The following NTNG1 variants were observed in gnomAD, a reference collection of about 807,000 sequenced individuals.
NTNG1 encodes the protein netrin-G1.
A neutral mutation model predicts 54.0 loss-of-function variants in NTNG1; 16 were observed. The ratio of observed to expected loss-of-function variants is 0.30; its 90% CI spans 0.20 to 0.45. The LOEUF is 0.45. Ranked by LOEUF, NTNG1 falls within the 20% of genes least tolerant of loss-of-function variation. NTNG1 has a pLI of 1.00. For synonymous variants in NTNG1, 255 were observed against 263.1 expected, an observed-to-expected ratio of 0.97 and a Z score of 0.30; for missense variants, 530 against 678.7, an observed-to-expected ratio of 0.78 and a Z score of 2.43.
Position 107,322,248 on chromosome 1 carries a change from A to G in NTNG1, c.247-2034A>G, listed in dbSNP as rs139096511. Among the ~76,000 whole-genome samples, 761 of 152,206 alleles carry G rather than the reference A, an allele frequency of 5.0e-3. 9 individuals are homozygous for G. Among genetic ancestry groups the G allele is most frequent in the African/African-American group, 0.017 (714 of 41,558 alleles). On this transcript the variant is annotated intron_variant, in intron 2 of 7. Coordinates refer to ENST00000370068, the MANE Select transcript of NTNG1 (RefSeq NM_001113226.3). The stretch of plus-strand genomic sequence containing the variant: ...GCAAACAAATGTTATCTTTCAACAC[A>G]ACTTACTACAAACATCTGATAACTC...
chr1:107,279,646 A>T (rs940767494), intron 2 of NTNG1, among the ~76,000 whole-genome samples: 2 of 152,162 alleles, frequency 1.3e-5, no homozygotes, highest in Admixed American at 1.3e-4. Context: ...CTTCCTCCAA[A>T]GAAAAATGTG....
chr1:107,330,854 G>T (rs1668232927), intron 3 of NTNG1: 1 of 152,060 alleles, frequency 6.6e-6, no homozygotes, highest in African/African-American at 2.4e-5. Flanking sequence ...ACAGAATCCT[G>T]TGGAATACTA....
chr1:107,171,800 G>T (rs1265191389), intron 2 of NTNG1, among the ~76,000 whole-genome samples: 1 of 152,150 alleles, frequency 6.6e-6, no homozygotes, highest in Non-Finnish European at 1.5e-5. Flanking sequence ...AAGTCAATAT[G>T]TTTGCTGAAA....
At chr1:107,145,099 T>A (rs1654011042) in intron 1 of NTNG1, among the ~76,000 whole-genome samples, 1 of 152,128 alleles carries the variant, frequency 6.6e-6, no homozygotes, top group Non-Finnish European at 1.5e-5. Flanking sequence ...GTCCTTCTCA[T>A]AATTGGTTTC....
At chr1:107,164,905 A>G (rs1655664969) in intron 2 of NTNG1, among the ~76,000 whole-genome samples, 1 of 152,164 alleles carries the variant, frequency 6.6e-6, no homozygotes, top group Non-Finnish European at 1.5e-5. Flanking sequence ...AGGGAGGGGA[A>G]GGGGTTCTTA....
intron 3 of NTNG1, among the ~76,000 whole-genome samples, chr1:107,326,719 T>C (rs1213382967): frequency 6.6e-6 from 1 of 152,102 alleles, no homozygotes; most frequent in East Asian, 1.9e-4. Context: ...AAATTCCTAT[T>C]GCTCCACCTC....
chr1:107,388,128 C>G (rs1426770008), intron 3 of NTNG1, among the ~76,000 whole-genome samples: 2 of 152,140 alleles, frequency 1.3e-5, no homozygotes, highest in Admixed American at 1.3e-4. Context: ...TATGCGACCT[C>G]TCATGGTGTA....
chr1:107,288,365 T>A (rs1276613648), intron 2 of NTNG1, among the ~76,000 whole-genome samples: 1 of 152,100 alleles, frequency 6.6e-6, no homozygotes, highest in African/African-American at 2.4e-5. Context: ...ACCTGAAGTA[T>A]AATGAAAAGT....
At chr1:107,204,881 A>G (rs929718728) in intron 2 of NTNG1, among the ~76,000 whole-genome samples, 1 of 152,086 alleles carries the variant, frequency 6.6e-6, no homozygotes, top group Non-Finnish European at 1.5e-5. Context: ...GTCCAGAACT[A>G]AGGCTTAGAG....
At chr1:107,215,326 G>T (rs1043201917) in intron 2 of NTNG1, among the ~76,000 whole-genome samples, 2 of 152,114 alleles carry the variant, frequency 1.3e-5, no homozygotes, top group African/African-American at 4.8e-5. Context: ...TGAGAGATGA[G>T]GATCCAGTTT....
intron 2 of NTNG1, among the ~76,000 whole-genome samples, chr1:107,246,217 A>G (rs1251672952): frequency 1.3e-5 from 2 of 151,958 alleles, no homozygotes; most frequent in East Asian, 3.9e-4. Context: ...ACGCCTGGCT[A>G]ATTATTTTTG....
At chr1:107,142,327 GAAAT>G (rs1653791198) in intron 1 of NTNG1, among the ~76,000 whole-genome samples, 1 of 146,500 alleles carries the variant, frequency 6.8e-6, no homozygotes, top group South Asian at 2.1e-4. Context: ...TTTTCCTTCA[GAAAT>G]CCACTTAAGA....
At chr1:107,265,107 TG>T (rs1663645579) in intron 2 of NTNG1, among the ~76,000 whole-genome samples, 2 of 152,184 alleles carry the variant, frequency 1.3e-5, no homozygotes, top group Admixed American at 6.5e-5. Context: ...GTGTGGTGAT[TG>T]TGTCTTGTTT....
intron 2 of NTNG1, among the ~76,000 whole-genome samples, chr1:107,276,719 C>T (rs183370725): frequency 9.9e-5 from 15 of 151,934 alleles, no homozygotes; most frequent in East Asian, 1.9e-4. Context: ...CACAGTAAGT[C>T]GTCACTAATT....
chr1:107,401,538 A>G lies in NTNG1; in HGVS notation c.1061-6144A>G, dbSNP rs561691916. The stretch of plus-strand genomic sequence containing the variant: ...TAATCAAACATTTTAATGTTTCTAC[A>G]GCAAACATGATTATTCTCAGCAACT... On this transcript the variant is annotated intron_variant, in intron 4 of 7. Transcript: ENST00000370068. Among the ~76,000 whole-genome samples the G allele has an allele frequency of 2.6e-5, 4 of 152,292 alleles. No homozygotes were observed. In the South Asian group the frequency reaches 8.3e-4, roughly 32 times the overall value.
intron 4 of NTNG1, chr1:107,395,545 T>G: frequency 1.4e-6 from 1 of 724,964 alleles, no homozygotes; most frequent in African/African-American, 1.7e-5. Context: ...TCAAATGTGT[T>G]GGGAAATGAT....
At chr1:107,141,808 A>T (rs1653747433) in intron 1 of NTNG1, among the ~76,000 whole-genome samples, 1 of 152,138 alleles carries the variant, frequency 6.6e-6, no homozygotes, top group African/African-American at 2.4e-5. Context: ...TCTCACGCAC[A>T]CCTGGCCACA....
chr1:107,421,614 C>G (rs999168672), intron 5 of NTNG1, among the ~76,000 whole-genome samples: 4 of 152,166 alleles, frequency 2.6e-5, no homozygotes, highest in African/African-American at 7.2e-5. Flanking sequence ...CTTTGAAAAA[C>G]ACAAGTGAAG....
At chr1:107,372,297 A>G (rs540107616) in intron 3 of NTNG1, among the ~76,000 whole-genome samples, 1 of 152,092 alleles carries the variant, frequency 6.6e-6, no homozygotes, top group African/African-American at 2.4e-5. Context: ...CTTCTTCTGT[A>G]ATAATATTGG....
Sources: gnomAD v4.1 joint callset for allele counts (sites outside exome capture counted in the v4.1 genomes callset) on GRCh38, gnomAD v4.1.1 for gene constraint, MANE v1.5 for transcripts, NCBI Gene and HGNC (gene_info 2026-07-23, HGNC 2026-07-21) for gene names.